Variants in ALPK1 observed in about 807,000 individuals in gnomAD.
The protein encoded by ALPK1 is alpha-protein kinase 1.
A neutral mutation model predicts 120.6 loss-of-function variants in ALPK1; 110 were observed. The ratio of observed to expected loss-of-function variants is 0.91; its 90% confidence interval spans 0.78 to 1.07. The LOEUF (loss-of-function observed/expected upper bound fraction) is 1.07. Ranked by LOEUF, ALPK1 falls within the 50% of genes least tolerant of loss-of-function variation. The pLI is 0.00. For missense variants in ALPK1, 1,498 were observed against 1,483.9 expected (o/e 1.01, Z -0.16); for synonymous variants, 582 against 560.3 (o/e 1.04, Z -0.55).
chr4:112,436,248 T>G (rs923063271), intron 12 of ALPK1, among the ~76,000 whole-genome samples: 1 of 152,120 alleles, frequency 6.6e-6, no homozygotes, highest in Non-Finnish European at 1.5e-5. Context: ...TTTAAATGAT[T>G]TATATGCTAA....
chr4:112,376,829 T>G (rs1731684353), intron 2 of ALPK1, among the ~76,000 whole-genome samples: 1 of 151,706 alleles, frequency 6.6e-6, no homozygotes, highest in Non-Finnish European at 1.5e-5. Flanking sequence ...CCACTATCTA[T>G]TCTGGCAATG....
intron 3 of ALPK1, among the ~76,000 whole-genome samples, chr4:112,378,421 C>T (rs1410566550): frequency 5.3e-5 from 8 of 152,146 alleles, no homozygotes; most frequent in Non-Finnish European, 8.8e-5. Flanking sequence ...ATACTGATTG[C>T]ATCATTATCA....
At chr4:112,308,295 G>A (rs1393123788) in intron 1 of ALPK1, among the ~76,000 whole-genome samples, 2 of 152,048 alleles carry the variant, frequency 1.3e-5, no homozygotes, top group Non-Finnish European at 2.9e-5. Context: ...ATGTTGGCCT[G>A]CCTTGCTAGG....
intron 2 of ALPK1, among the ~76,000 whole-genome samples, chr4:112,324,271 G>C (rs1025457976): frequency 6.7e-6 from 1 of 150,182 alleles, no homozygotes; most frequent in Non-Finnish European, 1.5e-5. Context: ...AGCTTGCAGT[G>C]AGCCGAGATC....
chr4:112,395,939 T>C (rs1287513558), intron 4 of ALPK1, among the ~76,000 whole-genome samples: 1 of 152,218 alleles, frequency 6.6e-6, no homozygotes, highest in African/African-American at 2.4e-5. Context: ...CTAATGTCAA[T>C]TGCATGTTTC....
intron 2 of ALPK1, among the ~76,000 whole-genome samples, chr4:112,353,291 A>G (rs1448630992): frequency 1.3e-5 from 2 of 151,960 alleles, no homozygotes; most frequent in East Asian, 3.9e-4. Context: ...CACTTTTCTA[A>G]TCCACTCTCC....
At chr4:112,371,047 A>G (rs942572652) in intron 2 of ALPK1, among the ~76,000 whole-genome samples, 1 of 152,212 alleles carries the variant, frequency 6.6e-6, no homozygotes, top group African/African-American at 2.4e-5. Flanking sequence ...GTGAAGGAGA[A>G]ACTGATACTC....
At position 112,324,136 on chromosome 4, in the gene ALPK1, G is replaced by A. The variant is rs377377719; in HGVS notation, c.-101+8284G>A. 2.6e-5 allele frequency among the ~76,000 whole-genome samples: 4 copies of A among 152,108 alleles called. No individual in the cohort carries two copies. In the East Asian group the frequency reaches 7.7e-4, roughly 29 times the overall value. ...AGGTCAGGAGATCGAGACCATCCTGGCTAATACAGTGAAACCCCGTCTCTA... is the reference window on the plus strand; with the variant it reads ...AGGTCAGGAGATCGAGACCATCCTGACTAATACAGTGAAACCCCGTCTCTA... On this transcript the variant is annotated intron_variant, in intron 2 of 15. Transcript: ENST00000650871.
At chr4:112,398,967 CT>C (rs1732788688) in intron 4 of ALPK1, among the ~76,000 whole-genome samples, 1 of 152,108 alleles carries the variant, frequency 6.6e-6, no homozygotes, top group Non-Finnish European at 1.5e-5. Flanking sequence ...ACAGAGAACA[CT>C]GAGGAAGAAG....
intron 2 of ALPK1, among the ~76,000 whole-genome samples, chr4:112,348,557 C>T (rs1029485554): frequency 6.6e-6 from 1 of 152,246 alleles, no homozygotes; most frequent in African/African-American, 2.4e-5. Flanking sequence ...TTAGTTGTCA[C>T]TCTGTGAATA....
chr4:112,370,728 A>G (rs768159900), intron 2 of ALPK1, among the ~76,000 whole-genome samples: 29 of 152,286 alleles, frequency 1.9e-4, no homozygotes, highest in African/African-American at 5.1e-4. Flanking sequence ...TTTTCTTCCT[A>G]TTGTCTCCTC....
rs566881469 is a variant in ALPK1 at position 112,305,632 on chromosome 4, T to C, written c.-153+8163T>C. On this transcript the variant is annotated intron_variant, in intron 1 of 15. Transcript: ENST00000650871. ...TGAGACTGCAGACGTTGCCTATCAG[T>C]TTAAGGAGATTTTGGGCTGAGACGA... 1.4e-4 allele frequency among the ~76,000 whole-genome samples: 21 copies of C among 152,160 alleles called. 1 individual carries two copies. The highest frequency in any genetic ancestry group is 4.8e-4 in the African/African-American group (20 of 41,454).
chr4:112,402,348 CT>C (rs1413423348), intron 4 of ALPK1, among the ~76,000 whole-genome samples: 1 of 152,366 alleles, frequency 6.6e-6, no homozygotes, highest in African/African-American at 2.4e-5. Flanking sequence ...GGGACCTAAA[CT>C]TGATGCTCAG....
intron 3 of ALPK1, among the ~76,000 whole-genome samples, chr4:112,379,330 A>T (rs1177138154): frequency 6.6e-6 from 1 of 152,238 alleles, no homozygotes; most frequent in Non-Finnish European, 1.5e-5. Context: ...CCTTCAGGTA[A>T]GCTGCTTGGG....
chr4:112,343,616 C>G (rs569293308), intron 2 of ALPK1: 1 of 152,354 alleles, frequency 6.6e-6, no homozygotes, highest in East Asian at 1.9e-4. Flanking sequence ...GCCACATTCT[C>G]CATTTGAATG....
At chr4:112,437,558 G>A (rs1337907025) in intron 12 of ALPK1, among the ~76,000 whole-genome samples, 1 of 152,154 alleles carries the variant, frequency 6.6e-6, no homozygotes, top group Admixed American at 6.5e-5. Context: ...ACCCTCTATA[G>A]GTCTTGCGGT....
intron 2 of ALPK1, among the ~76,000 whole-genome samples, chr4:112,323,290 T>C (rs1356647379): frequency 6.6e-6 from 1 of 152,226 alleles, no homozygotes; most frequent in Non-Finnish European, 1.5e-5. Context: ...AAGTGGTAAA[T>C]TAAACTACAA....
intron 4 of ALPK1, among the ~76,000 whole-genome samples, chr4:112,407,098 G>T (rs903872009): frequency 6.6e-6 from 1 of 152,168 alleles, no homozygotes. Flanking sequence ...GAAGAGGAAA[G>T]GTGTCACACC....
Position 112,376,823 on chromosome 4 carries a change from T to C in ALPK1, c.-100-855T>C, listed in dbSNP as rs75516135. Among the ~76,000 whole-genome samples, 356 of 152,258 alleles carry C rather than the reference T, an allele frequency of 2.3e-3. 4 individuals carry two copies. The highest frequency in any genetic ancestry group is 8.0e-3 in the African/African-American group (333 of 41,572). ...TGTCTAAACCTGACAGCAGCTCCAC[T>C]ATCTATTCTGGCAATGTCTAACTTC... On this transcript the variant is annotated intron_variant, in intron 2 of 15. Coordinates refer to ENST00000650871, the MANE Select transcript of ALPK1 (RefSeq NM_025144.4).
Sources: gnomAD v4.1 joint callset for allele counts (sites outside exome capture counted in the v4.1 genomes callset) on GRCh38, gnomAD v4.1.1 for gene constraint, MANE v1.5 for transcripts, NCBI Gene and HGNC (gene_info 2026-07-23, HGNC 2026-07-21) for gene names.